Variants in MPO observed in about 807,000 individuals in gnomAD.
MPO encodes the protein myeloperoxidase.
A neutral mutation model predicts 69.4 loss-of-function variants in MPO; 57 were observed. That is an observed-to-expected ratio of 0.82 (90% CI 0.66 to 1.02). MPO has a LOEUF of 1.02. MPO is among the 50% of genes least tolerant of loss of function. The pLI is 0.00. For synonymous variants in MPO, 426 were observed against 417.1 expected (o/e 1.02, Z -0.26); for missense variants, 971 against 1,014.1 (o/e 0.96, Z 0.58).
chr17:58,274,164 A>T (rs779315703), intron 8 of MPO: 6 of 499,002 alleles, frequency 1.2e-5, no homozygotes, highest in Non-Finnish European at 2.4e-5. Flanking sequence ...GCAGGGAGGC[A>T]GGAAGGAACG....
Position 58,275,508 on chromosome 17 carries a change from G to A in MPO, c.1365+34C>T, listed in dbSNP as rs200314144. 3 of 1,613,928 alleles carry A rather than the reference G, an allele frequency of 1.9e-6. No individual in the cohort carries two copies. The highest frequency in any genetic ancestry group is 1.3e-5 in the African/African-American group (1 of 75,048). On this transcript the variant is annotated intron_variant, in intron 8 of 11. Coordinates refer to ENST00000225275, the MANE Select transcript of MPO (RefSeq NM_000250.2). The surrounding 1 kb of genome is among the most constrained non-coding windows in gnomAD (Gnocchi z 4.1). ...GCTAGGATGTTGCAGGGACACATCTGGATCCCGTGTGCCCGGTGTTCAAGA... is the reference window on the plus strand; with the variant it reads ...GCTAGGATGTTGCAGGGACACATCTAGATCCCGTGTGCCCGGTGTTCAAGA...
chr17:58,277,111 A>G (rs1970447708), intron 7 of MPO, among the ~76,000 whole-genome samples: 2 of 150,718 alleles, frequency 1.3e-5, no homozygotes, highest in African/African-American at 4.9e-5. Context: ...CCGTCTTAGA[A>G]AAAAAAAAAA....
intron 6 of MPO, 118 bp from the exon 7 acceptor site, chr17:58,278,263 G>A: frequency 1.7e-6 from 2 of 1,211,118 alleles, no homozygotes; most frequent in East Asian, 2.4e-5. Context: ...AGAGGCCTCC[G>A]GAGGCCCGAA....
chr17:58,277,236 AG>A (rs1750711578), intron 7 of MPO, among the ~76,000 whole-genome samples: 1 of 152,172 alleles, frequency 6.6e-6, no homozygotes. Context: ...TAAGATGCGC[AG>A]GAGGGGATAT....
At chr17:58,279,782 GT>G in intron 3 of MPO, 56 bp downstream of exon 3, 2 of 1,612,900 alleles carry the variant, frequency 1.2e-6, no homozygotes, top group East Asian at 4.5e-5. Flanking sequence ...GACGGCTGGG[GT>G]CCCTAGGAGG....
intron 2 of MPO, 50 bp from the exon 3 acceptor site, chr17:58,280,064 C>G (rs1263038513): frequency 2.1e-5 from 33 of 1,605,078 alleles, no homozygotes; most frequent in Non-Finnish European, 2.7e-5. Context: ...ACAGACCCAC[C>G]CAGCAGAGCC....
At chr17:58,273,044 T>C in intron 9 of MPO, 126 bp from the exon 10 acceptor site, 1 of 1,237,636 alleles carries the variant, frequency 8.1e-7, no homozygotes, top group Admixed American at 1.9e-5. Flanking sequence ...AAGCAGTGCC[T>C]GGTGCCAAGG....
At position 58,278,103 on chromosome 17, in the gene MPO, T is replaced by G. The variant is rs778413781; in HGVS notation, c.928A>C (p.Ile310Leu). 1 of 1,606,652 alleles carries G rather than the reference T, an allele frequency of 6.2e-7. No individual in the cohort carries two copies. Among genetic ancestry groups the G allele is most frequent in the Non-Finnish European group, 8.5e-7 (1 of 1,179,970 alleles). Residue 310 changes from isoleucine (I) to leucine (L), a missense_variant, in exon 7 of 12, where the codon ATC (isoleucine) becomes CTC (leucine). Coordinates refer to ENST00000225275, the MANE Select transcript of MPO (RefSeq NM_000250.2). ...DPRIKNQADC[I>L]PFFRSCPACP... ...GCCGGGCAGGAGCGGAAGAACGGGA[T>G]GCAGTCGGCTTGGTTCTTGATGCGG... is the stretch of plus-strand genomic sequence containing the variant.
intron 2 of MPO, 128 bp downstream of exon 2, chr17:58,280,238 G>C (rs1234718084): frequency 9.3e-7 from 1 of 1,069,638 alleles, no homozygotes; most frequent in Non-Finnish European, 1.4e-6. Context: ...GGGACAGACA[G>C]ACAGAAAGGG....
chr17:58,272,158 C>A (rs1203141589), intron 10 of MPO, among the ~76,000 whole-genome samples: 7 of 152,196 alleles, frequency 4.6e-5, no homozygotes, highest in Non-Finnish European at 1.0e-4. Flanking sequence ...CCCTAAACTG[C>A]CACAGTTCCT....
In MPO at chr17:58,278,158, G is replaced by A; in HGVS notation, c.886-13C>T. On this transcript the variant is annotated splice_polypyrimidine_tract_variant and intron_variant, in intron 6 of 11. Transcript: ENST00000225275. ...CATTGGGCGGGATCTGAGGCACAGA[G>A]AGAGGCTAGACTGGCTCACCGAGGG... 1 of 1,600,100 alleles carries A rather than the reference G, an allele frequency of 6.2e-7. No individual in the cohort carries two copies. Among genetic ancestry groups the A allele is most frequent in the Non-Finnish European group, 8.5e-7 (1 of 1,179,862 alleles).
rs780434488 is a variant in MPO at position 58,270,643 on chromosome 17, C to G, written c.*13G>C. 5 of 1,598,748 alleles carry G rather than the reference C, an allele frequency of 3.1e-6. No homozygotes were observed. The South Asian group carries it at 5.6e-5, about 18-fold the overall frequency. On this transcript the variant is annotated 3_prime_UTR_variant, in exon 12 of 12. Transcript: ENST00000225275. The surrounding 1 kb of genome is among the most constrained non-coding windows in gnomAD (Gnocchi z 4.1). ...AGATATACCCCTCACTGCTGCACCCCCTTACCTGGCCTCTAGGAGGCTTCC... is the reference window on the plus strand; with the variant it reads ...AGATATACCCCTCACTGCTGCACCCGCTTACCTGGCCTCTAGGAGGCTTCC...
intron 7 of MPO, among the ~76,000 whole-genome samples, chr17:58,276,219 A>G (rs1348351582): frequency 2.0e-5 from 3 of 152,164 alleles, no homozygotes; most frequent in South Asian, 2.1e-4. Context: ...TAACGATCAC[A>G]GCACTCTTTC....
At position 58,271,636 on chromosome 17, in the gene MPO, G is replaced by A. The variant is rs6503857; in HGVS notation, c.2030+19C>T. On this transcript the variant is annotated intron_variant, in intron 11 of 11. Transcript: ENST00000225275. Reference sequence around the variant, plus strand: ...GGCCCACAGCCACCCAGCGGCCCACGACGCCTGCCCCTCCTCACCGATCAC... The same window carrying A: ...GGCCCACAGCCACCCAGCGGCCCACAACGCCTGCCCCTCCTCACCGATCAC... The A allele has an allele frequency of 4.5e-3, 7,186 of 1,612,570 alleles. 238 individuals are homozygous for A. In the African/African-American group the frequency reaches 0.077, roughly 17 times the overall value.
chr17:58,278,995 G>A lies in MPO; in HGVS notation c.885+13C>T. 2 of 1,601,672 alleles carry A rather than the reference G, an allele frequency of 1.2e-6. No individual in the cohort carries two copies. The highest frequency in any genetic ancestry group is 1.7e-6 in the Non-Finnish European group (2 of 1,176,670). ...CTCTCCCAACCCAGGCAGTGGGCGG[G>A]AAGCAGGGCCACCTTGAGCGGGAAG... On this transcript the variant is annotated intron_variant, in intron 6 of 11. Transcript: ENST00000225275.
chr17:58,272,023 G>T, intron 10 of MPO, 131 bp from the exon 11 acceptor site: 1 of 937,476 alleles, frequency 1.1e-6, no homozygotes, highest in Non-Finnish European at 1.6e-6. Context: ...ACACAACCAA[G>T]GTCATAGAGG....
At chr17:58,278,200 G>A (rs1435004339) in intron 6 of MPO, 55 bp from the exon 7 acceptor site, 2 of 1,583,076 alleles carry the variant, frequency 1.3e-6, no homozygotes, top group South Asian at 1.1e-5. Context: ...AGGTGCCCAG[G>A]CAGAACTGGA....
At position 58,280,357 on chromosome 17, in the gene MPO, G is replaced by A. The variant is rs375300978; in HGVS notation, c.248+9C>T. On this transcript the variant is annotated intron_variant, in intron 2 of 11. Coordinates refer to ENST00000225275, the MANE Select transcript of MPO (RefSeq NM_000250.2). Reference sequence around the variant, plus strand: ...CTTGCCCAGAGCTGGGCAGTGCCTCGTGCCCCACCTTTCCCGCCGCTCCTT... The same window carrying A: ...CTTGCCCAGAGCTGGGCAGTGCCTCATGCCCCACCTTTCCCGCCGCTCCTT... 60 of 1,613,130 alleles carry A rather than the reference G, an allele frequency of 3.7e-5. No homozygotes were observed. Among genetic ancestry groups the A allele is most frequent in the African/African-American group, 8.0e-5 (6 of 74,838 alleles).
At chr17:58,272,704 C>A in intron 10 of MPO, 44 bp downstream of exon 10, 1 of 1,602,352 alleles carries the variant, frequency 6.2e-7, no homozygotes, top group Non-Finnish European at 8.5e-7. Context: ...TAGGAGGCAG[C>A]TCAGGGGAGG....
Sources: gnomAD v4.1 joint callset for allele counts (sites outside exome capture counted in the v4.1 genomes callset) on GRCh38, gnomAD v4.1.1 for gene constraint, Gnocchi (gnomAD v3.1) non-coding constraint, MANE v1.5 for transcripts, NCBI Gene and HGNC (gene_info 2026-07-23, HGNC 2026-07-21) for gene names.